Variants in TRPM5 observed in about 807,000 individuals in gnomAD.
The protein encoded by TRPM5 is transient receptor potential cation channel subfamily M member 5, also known as MLSN1 and TRP-related.
Under a neutral mutation model 124.9 loss-of-function variants are expected in TRPM5, and 121 were observed. The observed-to-expected ratio is 0.97, with a 90% CI of 0.84 to 1.13. The LOEUF (loss-of-function observed/expected upper bound fraction) is 1.13. TRPM5 is among the 50% of genes most tolerant of loss of function. The pLI, the probability that TRPM5 is intolerant of heterozygous loss-of-function variation, is 0.00. For synonymous variants in TRPM5, 781 were observed against 700.5 expected, an observed-to-expected ratio of 1.11 and a Z score of -1.81; for missense variants, 1,643 against 1,589.1, an observed-to-expected ratio of 1.03 and a Z score of -0.58.
chr11:2,421,107 GGTGGAC>G, exon 3 of TRPM5: 1 of 1,547,632 alleles, frequency 6.5e-7, no homozygotes, highest in Non-Finnish European at 8.7e-7. Context: ...CACGGACCTT[GGTGGAC>G]GTGCTGGCCA....
downstream of TRPM5, chr11:2,404,022 T>A (rs1850261676): frequency 5.7e-5 from 10 of 175,366 alleles, no homozygotes; most frequent in South Asian, 2.0e-3. Flanking sequence ...ACAGTGAGAA[T>A]TGGAAACCCC....
At chr11:2,415,844 G>A (rs1021275357) in intron 8 of TRPM5, 62 bp downstream of exon 13, 3 of 1,222,914 alleles carry the variant, frequency 2.5e-6, no homozygotes, top group African/African-American at 3.0e-5. Context: ...GCAGGAGCAG[G>A]CAGCGTGGGC....
intron 23 of TRPM5, 31 bp downstream of exon 28, chr11:2,405,496 C>G: frequency 6.5e-7 from 1 of 1,550,178 alleles, no homozygotes; most frequent in Non-Finnish European, 8.7e-7. Context: ...CCCATGCCCA[C>G]CCTCATCCCA....
Position 2,404,766 on chromosome 11 carries a change from A to G in TRPM5, c.*171T>C, listed in dbSNP as rs571302725. On this transcript the variant is annotated 3_prime_UTR_variant, in exon 24 of 24. Coordinates refer to ENST00000155858, the Ensembl canonical transcript of TRPM5. ...GCCTCCGGGGAGGCCAGGAGGGACAAGGAGCGGTTCCTTTGGGTGAGGGTC... is the reference window on the plus strand; with the variant it reads ...GCCTCCGGGGAGGCCAGGAGGGACAGGGAGCGGTTCCTTTGGGTGAGGGTC... 7.2e-4 allele frequency: 421 copies of G among 585,992 alleles called. 1 individual carries two copies. Among genetic ancestry groups the G allele is most frequent in the Non-Finnish European group, 1.2e-3 (382 of 330,056 alleles). The allele number at this position is 585,992 out of a possible 1,614,324, so 36.3% of individuals were successfully genotyped here.
chr11:2,405,277 G>A (rs1850292211), intron 23 of TRPM5, among the ~76,000 whole-genome samples: 1 of 152,248 alleles, frequency 6.6e-6, no homozygotes, highest in African/African-American at 2.4e-5. Context: ...TGCTGAGCAG[G>A]ACAGTCCAAT....
At chr11:2,408,549 C>G (rs1850372575) in intron 18 of TRPM5, among the ~76,000 whole-genome samples, 1 of 152,248 alleles carries the variant, frequency 6.6e-6, no homozygotes, top group South Asian at 2.1e-4. Context: ...AGGCGGCACA[C>G]TCTGGGAGCT....
chr11:2,420,911 G>C (rs944636015), intron 3 of TRPM5, 121 bp downstream of exon 8: 1 of 1,174,742 alleles, frequency 8.5e-7, no homozygotes, highest in Admixed American at 3.1e-5. Context: ...GGCTCTGCCC[G>C]CTCCCTGCTC....
chr11:2,426,233 C>T (rs1186152761), upstream of TRPM5, among the ~76,000 whole-genome samples: 2 of 152,174 alleles, frequency 1.3e-5, no homozygotes, highest in South Asian at 2.1e-4. Context: ...CGAGTAGCAG[C>T]GTGGGGCAGC....
the TRPM5 span, among the ~76,000 whole-genome samples, chr11:2,443,024 C>T: frequency 6.6e-6 from 1 of 152,184 alleles, no homozygotes; most frequent in African/African-American, 2.4e-5. The surrounding 1 kb of genome is among the most constrained non-coding windows in gnomAD (Gnocchi z 5.0). Flanking sequence ...CTTTACTTTG[C>T]TAATGGTGCT....
chr11:2,412,686 G>A (rs1850476384), intron 15 of TRPM5, 68 bp downstream of exon 20: 2 of 1,474,554 alleles, frequency 1.4e-6, no homozygotes, highest in Non-Finnish European at 1.8e-6. Context: ...GCGAGGGCAG[G>A]ACCCAGCTTA....
At chr11:2,411,421 T>A in exon 18 of TRPM5, 1 of 1,612,196 alleles carries the variant, frequency 6.2e-7, no homozygotes, top group South Asian at 1.1e-5. Flanking sequence ...CGGCGGAAGA[T>A]CCACTCCAGG....
At chr11:2,412,035 G>A in intron 16 of TRPM5, 100 bp downstream of exon 21, 1 of 1,099,902 alleles carries the variant, frequency 9.1e-7, no homozygotes, top group Non-Finnish European at 1.4e-6. Flanking sequence ...CTGAGTAGCT[G>A]GGACCACAAG....
At chr11:2,412,833 G>T in exon 15 of TRPM5, 1 of 1,603,460 alleles carries the variant, frequency 6.2e-7, no homozygotes, top group Non-Finnish European at 8.5e-7. Context: ...CTGGGGGGGC[G>T]GCCTGAAGTC....
chr11:2,415,999 A>G, exon 8 of TRPM5: 1 of 1,591,860 alleles, frequency 6.3e-7, no homozygotes, highest in Non-Finnish European at 8.5e-7. Flanking sequence ...GATAGTCCTG[A>G]GGCTCCTGGC....
chr11:2,439,709 C>T, the TRPM5 span, among the ~76,000 whole-genome samples: 34 of 152,284 alleles, frequency 2.2e-4, 1 homozygote, highest in East Asian at 5.0e-3. Flanking sequence ...GAACAGGGAA[C>T]GCTTATACAC....
intron 11 of TRPM5, 71 bp from the exon 17 acceptor site, chr11:2,414,277 A>G: frequency 6.5e-7 from 1 of 1,529,594 alleles, no homozygotes; most frequent in South Asian, 1.2e-5. Flanking sequence ...CCCCTCCTCC[A>G]TCCCCTGCCC....
chr11:2,407,664 C>T (rs1850350800), intron 19 of TRPM5, 95 bp downstream of exon 24: 6 of 1,494,114 alleles, frequency 4.0e-6, no homozygotes, highest in Non-Finnish European at 5.5e-6. Flanking sequence ...CCCTCTGCAG[C>T]ACACCAGGTG....
chr11:2,421,466 TC>T (rs1185565157), intron 2 of TRPM5, among the ~76,000 whole-genome samples: 1 of 151,898 alleles, frequency 6.6e-6, no homozygotes, highest in Non-Finnish European at 1.5e-5. Context: ...TGGGGTCCAG[TC>T]CCCCCACCGT....
At chr11:2,443,359 A>G in the TRPM5 span, among the ~76,000 whole-genome samples, 1 of 152,206 alleles carries the variant, frequency 6.6e-6, no homozygotes, top group South Asian at 2.1e-4. The surrounding 1 kb of genome is among the most constrained non-coding windows in gnomAD (Gnocchi z 5.0). Flanking sequence ...TCACCCGGAA[A>G]GTAACTGCTG....
Sources: gnomAD v4.1 joint callset for allele counts (sites outside exome capture counted in the v4.1 genomes callset) on GRCh38, gnomAD v4.1.1 for gene constraint, Gnocchi (gnomAD v3.1) non-coding constraint, MANE v1.5 for transcripts, NCBI Gene and HGNC (gene_info 2026-07-23, HGNC 2026-07-21) for gene names.